DHX15: variants seen among roughly 807,000 people sequenced by gnomAD.
DHX15 encodes the protein ATP-dependent RNA helicase DHX15.
In DHX15, 11 loss-of-function variants were observed where a neutral mutation model predicts 94.4. The observed-to-expected ratio is 0.12, with a 90% CI of 0.07 to 0.19. The LOEUF (loss-of-function observed/expected upper bound fraction) is 0.19, where lower values mean the gene tolerates loss of function less well. DHX15 is among the 10% of genes least tolerant of loss of function. The probability of loss-of-function intolerance (pLI) is 1.00; values close to 1 mark genes in which losing one functional copy is unlikely to be tolerated. For synonymous variants in DHX15, 338 were observed against 329.9 expected (o/e 1.02, Z -0.27); for missense variants, 304 against 988.5 (o/e 0.31, Z 9.29).
At chr4:24,560,688 A>G (rs983161132) in intron 3 of DHX15, among the ~76,000 whole-genome samples, 3 of 152,152 alleles carry the variant, frequency 2.0e-5, no homozygotes, top group African/African-American at 7.2e-5. Context: ...ATAATACCGC[A>G]TATTTGGTCA....
At chr4:24,530,582 A>G (rs975857815) in intron 12 of DHX15, 3 of 151,842 alleles carry the variant, frequency 2.0e-5, no homozygotes, top group Non-Finnish European at 2.9e-5. Context: ...CCATTTCAAA[A>G]AAGAAAATAA....
At chr4:24,572,291 C>A (rs757924100) in intron 2 of DHX15, among the ~76,000 whole-genome samples, 1 of 152,104 alleles carries the variant, frequency 6.6e-6, no homozygotes, top group African/African-American at 2.4e-5. Context: ...CGTGCCACCA[C>A]GCCTGGCTAA....
chr4:24,584,262 G>T, intron 1 of DHX15, 61 bp downstream of exon 1: 1 of 1,530,436 alleles, frequency 6.5e-7, no homozygotes, highest in Non-Finnish European at 8.8e-7. Context: ...GCCCCGGCCC[G>T]CTCCCTGCCA....
At chr4:24,571,850 G>A (rs2109009349) in intron 2 of DHX15, among the ~76,000 whole-genome samples, 1 of 152,224 alleles carries the variant, frequency 6.6e-6, no homozygotes. Context: ...GAAAGGGAGG[G>A]TAATTATGCT....
chr4:24,581,325 G>C (rs1417783477), intron 1 of DHX15, among the ~76,000 whole-genome samples: 4 of 152,266 alleles, frequency 2.6e-5, no homozygotes. Flanking sequence ...ATTGCGCCCG[G>C]CCTATGGCAG....
At chr4:24,578,169 A>G (rs1034809790) in intron 1 of DHX15, among the ~76,000 whole-genome samples, 2 of 152,240 alleles carry the variant, frequency 1.3e-5, no homozygotes, top group African/African-American at 4.8e-5. Context: ...CAGAAAGAAA[A>G]TCAATGGGAA....
At position 24,538,873 on chromosome 4, in the gene DHX15, G is replaced by A. The variant is rs575311222; in HGVS notation, c.1786+1235C>T. The A allele has an allele frequency of 1.1e-4, 16 of 152,044 alleles. No individual in the cohort carries two copies. In the East Asian group the frequency reaches 1.5e-3, roughly 15 times the overall value. The allele number at this position is 152,044 out of a possible 1,614,324, so 9.4% of individuals were successfully genotyped here. A position where few individuals can be genotyped will look rare whatever the true frequency, so the allele number is the denominator to read the frequency against. Reference sequence around the variant, plus strand: ...TAAGTATATCTGATAAGAGAACCTAGAGAAATAAAAACTAGGCAGATAGAC... The same window carrying A: ...TAAGTATATCTGATAAGAGAACCTAAAGAAATAAAAACTAGGCAGATAGAC... On this transcript the variant is annotated intron_variant, in intron 10 of 13. Coordinates refer to ENST00000336812, the MANE Select transcript of DHX15 (RefSeq NM_001358.3).
intron 6 of DHX15, among the ~76,000 whole-genome samples, chr4:24,547,336 C>T (rs1420983606): frequency 1.3e-5 from 2 of 152,236 alleles, no homozygotes; most frequent in Non-Finnish European, 2.9e-5. Flanking sequence ...CATCACATAT[C>T]CAGCCACTGC....
Position 24,570,865 on chromosome 4 carries a change from A to T in DHX15, c.508-18T>A. On this transcript the variant is annotated intron_variant, in intron 2 of 13. Coordinates refer to ENST00000336812, the MANE Select transcript of DHX15 (RefSeq NM_001358.3). ...TGTGGAATCTATCAAATAATTTCAC[A>T]TTTAAATTAATTCTATTCTGCCTGC... The T allele has an allele frequency of 6.2e-7, 1 of 1,608,310 alleles. No homozygotes were observed. Among genetic ancestry groups the T allele is most frequent in the Non-Finnish European group, 8.5e-7 (1 of 1,175,260 alleles).
intron 2 of DHX15, among the ~76,000 whole-genome samples, chr4:24,574,903 A>C (rs183792374): frequency 6.6e-6 from 1 of 152,304 alleles, no homozygotes; most frequent in East Asian, 1.9e-4. Context: ...CATCAATTCT[A>C]AGTTTTCCTT....
intron 12 of DHX15, chr4:24,530,724 T>C (rs569460678): frequency 1.4e-4 from 21 of 152,266 alleles, no homozygotes; most frequent in African/African-American, 4.8e-4. Context: ...TCATTTCTTT[T>C]TTTGGTAACA....
chr4:24,551,136 G>C (rs1721594070), intron 5 of DHX15, among the ~76,000 whole-genome samples: 1 of 152,182 alleles, frequency 6.6e-6, no homozygotes, highest in African/African-American at 2.4e-5. Context: ...TGATAGCTCT[G>C]GGAGAGGCAA....
chr4:24,572,004 T>C (rs1472341716), intron 2 of DHX15, among the ~76,000 whole-genome samples: 1 of 152,234 alleles, frequency 6.6e-6, no homozygotes, highest in Non-Finnish European at 1.5e-5. Context: ...CTTACTGATA[T>C]ATCCTCAATT....
chr4:24,581,506 AAGATGG>A (rs1722416095), intron 1 of DHX15, among the ~76,000 whole-genome samples: 1 of 152,238 alleles, frequency 6.6e-6, no homozygotes, highest in African/African-American at 2.4e-5. Flanking sequence ...CTGTTATCCA[AAGATGG>A]AGATGAAGAT....
chr4:24,574,053 A>AC (rs1284316805), intron 2 of DHX15, among the ~76,000 whole-genome samples: 32 of 151,300 alleles, frequency 2.1e-4, no homozygotes, highest in African/African-American at 6.3e-4. Flanking sequence ...AAAAAAAAAA[A>AC]AAAATAGCCA....
chr4:24,561,172 T>G (rs182572758), intron 3 of DHX15, among the ~76,000 whole-genome samples: 2 of 152,208 alleles, frequency 1.3e-5, no homozygotes, highest in Non-Finnish European at 2.9e-5. Context: ...TAGCAAAAAC[T>G]GCAAATGAGG....
At chr4:24,549,431 G>GT (rs1721537777) in intron 5 of DHX15, among the ~76,000 whole-genome samples, 3 of 152,320 alleles carry the variant, frequency 2.0e-5, no homozygotes, top group Middle Eastern at 3.4e-3. Flanking sequence ...TTAATGTCAC[G>GT]TATCACTAAT....
intron 3 of DHX15, among the ~76,000 whole-genome samples, chr4:24,562,759 A>C (rs1234700329): frequency 1.3e-5 from 2 of 152,210 alleles, no homozygotes; most frequent in Admixed American, 1.3e-4. Context: ...ATAAACCCCA[A>C]GCATAGAAAA....
chr4:24,577,839 C>A (rs959499602), intron 1 of DHX15, among the ~76,000 whole-genome samples: 1 of 152,124 alleles, frequency 6.6e-6, no homozygotes, highest in Non-Finnish European at 1.5e-5. Context: ...TTACTTCAGA[C>A]CAAGTCCATC....
Sources: gnomAD v4.1 joint callset for allele counts (sites outside exome capture counted in the v4.1 genomes callset) on GRCh38, gnomAD v4.1.1 for gene constraint, MANE v1.5 for transcripts, NCBI Gene and HGNC (gene_info 2026-07-23, HGNC 2026-07-21) for gene names.